The following PTPRE variants were observed in gnomAD, a reference collection of about 807,000 sequenced individuals.
PTPRE encodes protein tyrosine phosphatase receptor type E.
Under a neutral mutation model 102.0 loss-of-function variants are expected in PTPRE, and 51 were observed. The ratio of observed to expected loss-of-function variants is 0.50; its 90% CI spans 0.40 to 0.63. The LOEUF (loss-of-function observed/expected upper bound fraction) is 0.63. PTPRE is among the 30% of genes least tolerant of loss of function. PTPRE has a pLI of 0.00. For synonymous variants in PTPRE, 345 were observed against 348.2 expected, an observed-to-expected ratio of 0.99 and a Z score of 0.10; for missense variants, 752 against 915.1, an observed-to-expected ratio of 0.82 and a Z score of 2.30.
intron 17 of PTPRE, 81 bp downstream of exon 17, chr10:128,073,552 A>C (rs1590234133): frequency 9.1e-5 from 136 of 1,492,786 alleles, no homozygotes; most frequent in East Asian, 4.9e-5. Flanking sequence ...CAAATGTCCC[A>C]CCTGCCATCA....
At chr10:127,957,620 G>T (rs990518749) in intron 1 of PTPRE, among the ~76,000 whole-genome samples, 23 of 152,072 alleles carry the variant, frequency 1.5e-4, no homozygotes, top group African/African-American at 5.1e-4. Context: ...TTAAGTCTTG[G>T]GGTCAGGTAG....
chr10:127,982,489 CGTGTGT>C (rs59170572), intron 2 of PTPRE, among the ~76,000 whole-genome samples, 193 bp downstream of exon 2: 5,599 of 142,670 alleles, frequency 0.039, 140 homozygotes, highest in African/African-American at 0.043. Flanking sequence ...ACATCATTTG[CGTGTGT>C]GTGTGTGTGT....
At chr10:128,055,785 C>T (rs1564935705) in intron 6 of PTPRE, among the ~76,000 whole-genome samples, 1 of 152,216 alleles carries the variant, frequency 6.6e-6, no homozygotes, top group Non-Finnish European at 1.5e-5. Context: ...AAATCATAGG[C>T]ACCTGCTCTA....
intron 1 of PTPRE, among the ~76,000 whole-genome samples, chr10:127,941,804 G>C (rs1848265261): frequency 6.6e-6 from 1 of 151,290 alleles, no homozygotes; most frequent in Admixed American, 6.6e-5. Flanking sequence ...CTGAAGCCTT[G>C]ATCTGTACAT....
chr10:128,017,312 A>G (rs1845516451), intron 2 of PTPRE, among the ~76,000 whole-genome samples: 1 of 152,098 alleles, frequency 6.6e-6, no homozygotes, highest in African/African-American at 2.4e-5. Context: ...AGCTATAGAA[A>G]TTGGAGGTAA....
intron 2 of PTPRE, among the ~76,000 whole-genome samples, chr10:127,994,173 G>A (rs932146804): frequency 2.0e-5 from 3 of 152,178 alleles, no homozygotes; most frequent in African/African-American, 4.8e-5. Flanking sequence ...TCGTGTTCCC[G>A]AAGCCCACCC....
At chr10:128,011,825 G>A (rs572049703) in intron 2 of PTPRE, among the ~76,000 whole-genome samples, 10 of 152,318 alleles carry the variant, frequency 6.6e-5, no homozygotes, top group Non-Finnish European at 1.2e-4. Context: ...GTTCACAGGC[G>A]GTGGCCTAAA....
At chr10:127,931,444 C>T (rs536105848) in intron 1 of PTPRE, among the ~76,000 whole-genome samples, 10 of 152,336 alleles carry the variant, frequency 6.6e-5, no homozygotes, top group African/African-American at 1.9e-4. Context: ...TCTCGTGACA[C>T]GTCTACTTTG....
At position 127,944,316 on chromosome 10, in the gene PTPRE, T is replaced by C. The variant is rs1230465617; in HGVS notation, c.-31+37007T>C. Among the ~76,000 whole-genome samples the C allele has an allele frequency of 6.6e-6, 1 of 151,898 alleles. No homozygotes were observed. The highest frequency in any genetic ancestry group is 1.5e-5 in the Non-Finnish European group (1 of 68,030). On this transcript the variant is annotated intron_variant, in intron 1 of 20. Coordinates refer to ENST00000254667, the MANE Select transcript of PTPRE (RefSeq NM_006504.6). The surrounding 1 kb of genome is among the most constrained non-coding windows in gnomAD (Gnocchi z 4.2). ...GCACCTCTGGGAGGTACTTGATAAA[T>C]ATTGATTGAATGGCTAAATGGTGGG... is the stretch of plus-strand genomic sequence containing the variant.
intron 2 of PTPRE, among the ~76,000 whole-genome samples, chr10:128,012,636 T>C (rs538632587): frequency 1.3e-5 from 2 of 152,318 alleles, no homozygotes; most frequent in South Asian, 2.1e-4. Context: ...CGAGGCATCA[T>C]TTCCTGTCCT....
At chr10:128,047,640 G>A (rs754432274) in intron 4 of PTPRE, 124 bp from the exon 5 acceptor site, 24 of 1,614,058 alleles carry the variant, frequency 1.5e-5, no homozygotes, top group East Asian at 1.1e-4. Context: ...GCCTTAGCGC[G>A]GCTCAGCCAT....
At chr10:127,992,012 G>A (rs1378073615) in intron 2 of PTPRE, among the ~76,000 whole-genome samples, 1 of 152,122 alleles carries the variant, frequency 6.6e-6, no homozygotes, top group Non-Finnish European at 1.5e-5. Context: ...TGAGCCCACC[G>A]GGTGAGCAGC....
At chr10:128,077,530 C>T (rs1301410459) in intron 18 of PTPRE, 87 bp from the exon 19 acceptor site, 1 of 1,497,180 alleles carries the variant, frequency 6.7e-7, no homozygotes, top group Non-Finnish European at 9.0e-7. Context: ...GGGCTCCCAG[C>T]CTTGGCCAAT....
intron 18 of PTPRE, 52 bp from the exon 19 acceptor site, chr10:128,077,565 G>C: frequency 1.9e-6 from 3 of 1,559,680 alleles, no homozygotes; most frequent in Non-Finnish European, 2.6e-6. Flanking sequence ...ATGGGGCTGG[G>C]GCCTGTTCCC....
At chr10:128,032,904 T>C (rs1030552182) in intron 2 of PTPRE, among the ~76,000 whole-genome samples, 11 of 152,238 alleles carry the variant, frequency 7.2e-5, no homozygotes, top group Admixed American at 5.2e-4. Flanking sequence ...AATAGAACTT[T>C]CTGAATTTGC....
At position 127,944,726 on chromosome 10, in the gene PTPRE, G is replaced by A. The variant is rs1005434529; in HGVS notation, c.-31+37417G>A. 2.6e-5 allele frequency among the ~76,000 whole-genome samples: 4 copies of A among 152,204 alleles called. No individual in the cohort carries two copies. Among genetic ancestry groups the A allele is most frequent in the East Asian group, 1.9e-4 (1 of 5,204 alleles). ...ATTTGAAAGATCTCTGTGGCTCCAC[G>A]TGGATAGCAGGCTGGTGTAGGTACA... is the stretch of plus-strand genomic sequence containing the variant. On this transcript the variant is annotated intron_variant, in intron 1 of 20. Coordinates refer to ENST00000254667, the MANE Select transcript of PTPRE (RefSeq NM_006504.6). The surrounding 1 kb of genome is among the most constrained non-coding windows in gnomAD (Gnocchi z 4.2).
chr10:127,963,460 T>G (rs1182850750), intron 1 of PTPRE, among the ~76,000 whole-genome samples: 1 of 152,342 alleles, frequency 6.6e-6, no homozygotes, highest in South Asian at 2.1e-4. Context: ...TGCATCCTGG[T>G]GTCTTCAGAG....
intron 2 of PTPRE, chr10:127,987,532 A>G: frequency 2.9e-6 from 1 of 340,182 alleles, no homozygotes. Flanking sequence ...AAATTTGGCA[A>G]GCCTCTTAGT....
Position 128,070,290 on chromosome 10 carries a change from C to A in PTPRE, c.1144-11C>A. ...GAGTTGAGGGTGTGGGCACCCCTGG[C>A]CTCTCTGCAGATGCAGTACACGTTC... On this transcript the variant is annotated splice_polypyrimidine_tract_variant and intron_variant, in intron 13 of 20. Transcript: ENST00000254667. The surrounding 1 kb of genome is among the most constrained non-coding windows in gnomAD (Gnocchi z 4.8). The A allele has an allele frequency of 6.3e-7, 1 of 1,599,212 alleles. No homozygotes were observed. The highest frequency in any genetic ancestry group is 8.5e-7 in the Non-Finnish European group (1 of 1,171,816).
Sources: gnomAD v4.1 joint callset for allele counts (sites outside exome capture counted in the v4.1 genomes callset) on GRCh38, gnomAD v4.1.1 for gene constraint, Gnocchi (gnomAD v3.1) non-coding constraint, MANE v1.5 for transcripts, NCBI Gene and HGNC (gene_info 2026-07-23, HGNC 2026-07-21) for gene names.